Variants in TMPRSS2 observed in about 807,000 individuals in gnomAD.
TMPRSS2 encodes transmembrane serine protease 2.
Under a neutral mutation model 67.4 loss-of-function variants are expected in TMPRSS2, and 59 were observed. The observed-to-expected ratio is 0.88, with a 90% CI of 0.71 to 1.09. The LOEUF (loss-of-function observed/expected upper bound fraction) is 1.09, where lower values mean the gene tolerates loss of function less well. TMPRSS2 is among the 50% of genes least tolerant of loss of function. The probability of loss-of-function intolerance (pLI) is 0.00; values close to 1 mark genes in which losing one functional copy is unlikely to be tolerated. For synonymous variants in TMPRSS2, 257 were observed against 257.0 expected, an observed-to-expected ratio of 1.00 and a Z score of 0.00; for missense variants, 668 against 642.7, an observed-to-expected ratio of 1.04 and a Z score of -0.43.
Position 41,488,372 on chromosome 21 carries a change from C to T in TMPRSS2, c.445+22G>A, listed in dbSNP as rs371531071. 8.7e-5 allele frequency: 139 copies of T among 1,604,486 alleles called. 1 individual carries two copies. Among genetic ancestry groups the T allele is most frequent in the East Asian group, 5.6e-4 (25 of 44,614 alleles). ...TCCAAGGTGAGCAGAGGAGTCCCTT[C>T]CCAAGGTCAAGGCTGACTCACCACA... is the stretch of plus-strand genomic sequence containing the variant. On this transcript the variant is annotated intron_variant, in intron 5 of 13. Transcript: ENST00000332149.
intron 11 of TMPRSS2, 26 bp from the exon 12 acceptor site, chr21:41,468,564 T>G (rs1395792525): frequency 3.7e-6 from 6 of 1,612,572 alleles, no homozygotes; most frequent in Non-Finnish European, 5.1e-6. Context: ...CTTGTTGAGC[T>G]CCCAGTGTTG....
At position 41,465,919 on chromosome 21, in the gene TMPRSS2, G is replaced by A. The variant is rs150014829; in HGVS notation, c.*223C>T. 2.5e-4 allele frequency: 149 copies of A among 595,888 alleles called. 1 individual carries two copies. In the East Asian group the frequency reaches 3.8e-3, roughly 15 times the overall value. 36.9% of individuals were successfully genotyped at this position (595,888 alleles called of 1,614,324 possible). ...TGACCGCCAGTGCCCACAACCAGCC[G>A]GCCATCACCCCTTGCGGACAAGGGG... On this transcript the variant is annotated 3_prime_UTR_variant, in exon 14 of 14. Coordinates refer to ENST00000332149, the MANE Select transcript of TMPRSS2 (RefSeq NM_005656.4).
intron 1 of TMPRSS2, among the ~76,000 whole-genome samples, chr21:41,505,680 C>T (rs1010279419): frequency 1.3e-5 from 2 of 152,174 alleles, no homozygotes; most frequent in Admixed American, 1.3e-4. Flanking sequence ...CAGAGCCTGG[C>T]CCAGGAACAA....
intron 5 of TMPRSS2, among the ~76,000 whole-genome samples, chr21:41,483,373 T>C (rs569716669): frequency 6.6e-6 from 1 of 152,132 alleles, no homozygotes; most frequent in Non-Finnish European, 1.5e-5. Context: ...AACCTCCACC[T>C]CCTGGGTTCA....
chr21:41,492,211 CA>C (rs1175402456), intron 3 of TMPRSS2, among the ~76,000 whole-genome samples: 5 of 144,032 alleles, frequency 3.5e-5, no homozygotes, highest in South Asian at 2.3e-4. Context: ...AACAAACAAA[CA>C]AACAACAAAA....
At chr21:41,498,765 G>A (rs2091403857) in intron 1 of TMPRSS2, among the ~76,000 whole-genome samples, 2 of 152,168 alleles carry the variant, frequency 1.3e-5, no homozygotes, top group African/African-American at 4.8e-5. Context: ...GGAAAGACCT[G>A]GGCCAGTTCC....
Position 41,508,137 on chromosome 21 carries a change from C to G in TMPRSS2, c.-113G>C. 1 of 874,028 alleles carries G rather than the reference C, an allele frequency of 1.1e-6. No individual in the cohort carries two copies. The highest frequency in any genetic ancestry group is 1.6e-6 in the Non-Finnish European group (1 of 641,428). The allele number at this position is 874,028 out of a possible 1,614,324, so 54.1% of individuals were successfully genotyped here. On this transcript the variant is annotated 5_prime_UTR_variant, in exon 1 of 14. Transcript: ENST00000332149. The stretch of plus-strand genomic sequence containing the variant: ...TCGCCCTCCGCCTCCGCCTCCGCCT[C>G]CTGCTTAGCTCGCGCCTACTCGGCC...
intron 1 of TMPRSS2, chr21:41,507,854 C>G: frequency 7.3e-7 from 1 of 1,362,030 alleles, no homozygotes; most frequent in Middle Eastern, 2.5e-4. Context: ...GGCTCTCGGC[C>G]GTGCGCAAGG....
At chr21:41,489,692 A>C (rs543740889) in intron 3 of TMPRSS2, 99 bp from the exon 4 acceptor site, 2 of 730,110 alleles carry the variant, frequency 2.7e-6, no homozygotes, top group East Asian at 5.5e-5. Context: ...ACATTAAGAA[A>C]TAATTATTTC....
rs2146452286 is a variant in TMPRSS2, at chr21:41,480,605, G to A, written c.446-3C>T. ...GAAGTTTGGTCCGTAGAGGCGAACT[G>A]CACGAGAGGGAGGATTATCCATGAG... On this transcript the variant is annotated splice_region_variant and splice_polypyrimidine_tract_variant and intron_variant, in intron 5 of 13. Transcript: ENST00000332149. 6.2e-7 allele frequency: 1 copy of A among 1,613,538 alleles called. No individual in the cohort carries two copies. The highest frequency in any genetic ancestry group is 2.2e-5 in the East Asian group (1 of 44,870).
intron 1 of TMPRSS2, among the ~76,000 whole-genome samples, chr21:41,503,628 G>A (rs1350420797): frequency 6.6e-6 from 1 of 152,170 alleles, no homozygotes; most frequent in Non-Finnish European, 1.5e-5. Context: ...GATTCTATCT[G>A]GGGAAATCAA....
At position 41,499,994 on chromosome 21, in the gene TMPRSS2, T is replaced by A. The variant is rs78528160; in HGVS notation, c.-56-1805A>T. Among the ~76,000 whole-genome samples, 813 of 152,304 alleles carry A rather than the reference T, an allele frequency of 5.3e-3. 8 individuals carry two copies. The highest frequency in any genetic ancestry group is 0.018 in the African/African-American group (741 of 41,554). ...TGGGCTTCGGACCTGGCCAGACCAG[T>A]GTCCACTGTCTGTGACATGGCCACA... On this transcript the variant is annotated intron_variant, in intron 1 of 13. Transcript: ENST00000332149.
At chr21:41,467,956 C>G in intron 12 of TMPRSS2, 70 bp from the exon 13 acceptor site, 3 of 1,582,774 alleles carry the variant, frequency 1.9e-6, no homozygotes, top group Non-Finnish European at 2.6e-6. Flanking sequence ...CTGACCAGGC[C>G]TAGAGGAGTT....
chr21:41,505,160 C>T (rs2091449439), intron 1 of TMPRSS2, among the ~76,000 whole-genome samples: 1 of 152,176 alleles, frequency 6.6e-6, no homozygotes, highest in Non-Finnish European at 1.5e-5. Flanking sequence ...ATTCACCTTT[C>T]CTTTCTACCT....
Position 41,488,489 on chromosome 21 carries a change from C to G in TMPRSS2, c.350G>C (p.Gly117Ala). 1 of 1,613,524 alleles carries G rather than the reference C, an allele frequency of 6.2e-7. No individual in the cohort carries two copies. The highest frequency in any genetic ancestry group is 8.5e-7 in the Non-Finnish European group (1 of 1,179,628). ...GGTACCTGAGGAGTCGCACTCTATC[C>G]CAGAGTTGGAGCACTTGCTGCCCAC... The part of the protein sequence containing the change: ...KFMGSKCSNS[G>A]IECDSSGTCI... Residue 117 changes from glycine to alanine, a missense_variant, in exon 5 of 14, where the codon GGG becomes GCG. By Grantham distance (60) the Gly-to-Ala change is moderately conservative. Transcript: ENST00000332149.
intron 1 of TMPRSS2, among the ~76,000 whole-genome samples, chr21:41,499,470 G>A (rs1180586928): frequency 6.6e-6 from 1 of 152,028 alleles, no homozygotes; most frequent in Non-Finnish European, 1.5e-5. Context: ...TCCCACCCTC[G>A]GTATCTGATC....
chr21:41,467,744 C>T lies in TMPRSS2; in HGVS notation c.1457G>A (p.Arg486Gln), dbSNP rs572530227. The T allele has an allele frequency of 6.2e-7, 1 of 1,614,058 alleles. No homozygotes were observed. Among genetic ancestry groups the T allele is most frequent in the Admixed American group, 1.7e-5 (1 of 60,006 alleles). The change falls in exon 13 of 14, where the codon CGA becomes CAA. Residue 486 changes from arginine to glutamine, a missense_variant. Coordinates refer to ENST00000332149, the MANE Select transcript of TMPRSS2 (RefSeq NM_005656.4). ...GGACAGGATAGTTACCCTCATTTGT[C>T]GATAAATCCAGTCCGTGAATACCAT... ...NVMVFTDWIYRQMRADG is the reference protein window; with the variant it reads ...NVMVFTDWIYQQMRADG
intron 1 of TMPRSS2, among the ~76,000 whole-genome samples, chr21:41,505,510 G>A (rs1034486371): frequency 2.0e-5 from 3 of 152,154 alleles, no homozygotes; most frequent in Non-Finnish European, 2.9e-5. Context: ...TTGCACCAGC[G>A]TCTTGTCACT....
chr21:41,484,798 C>T (rs2091283103), intron 5 of TMPRSS2, among the ~76,000 whole-genome samples: 1 of 151,954 alleles, frequency 6.6e-6, no homozygotes, highest in South Asian at 2.1e-4. Context: ...CCTTAAGGTC[C>T]ACCAAGAAGA....
Sources: gnomAD v4.1 joint callset for allele counts (sites outside exome capture counted in the v4.1 genomes callset) on GRCh38, gnomAD v4.1.1 for gene constraint, MANE v1.5 for transcripts, NCBI Gene and HGNC (gene_info 2026-07-23, HGNC 2026-07-21) for gene names.